The following SLC28A3 variants were observed in gnomAD, a reference collection of about 807,000 sequenced individuals.
The protein encoded by SLC28A3 is solute carrier family 28 member 3.
Under a neutral mutation model 84.2 loss-of-function variants are expected in SLC28A3, and 68 were observed. The ratio of observed to expected loss-of-function variants is 0.81; its 90% CI spans 0.66 to 0.99. The LOEUF is 0.99. SLC28A3 is among the 50% of genes least tolerant of loss of function. The pLI is 0.00. For missense variants in SLC28A3, 712 were observed against 841.5 expected (o/e 0.85, Z 1.90); for synonymous variants, 267 against 303.6 (o/e 0.88, Z 1.25).
intron 5 of SLC28A3, among the ~76,000 whole-genome samples, chr9:84,301,384 G>A (rs1825633731): frequency 7.1e-6 from 1 of 140,722 alleles, no homozygotes; most frequent in Non-Finnish European, 1.5e-5. Context: ...AGAAAAGGCT[G>A]TAAACATTGG....
intron 8 of SLC28A3, 102 bp from the exon 9 acceptor site, chr9:84,294,377 C>A (rs1825341478): frequency 9.3e-7 from 1 of 1,077,510 alleles, no homozygotes; most frequent in Non-Finnish European, 1.4e-6. Flanking sequence ...TCTGAAACAT[C>A]ATAAAAATAT....
At chr9:84,313,165 G>A (rs1392887630) in intron 2 of SLC28A3, among the ~76,000 whole-genome samples, 194 bp downstream of exon 2, 2 of 152,298 alleles carry the variant, frequency 1.3e-5, no homozygotes, top group Non-Finnish European at 2.9e-5. Flanking sequence ...GAGGACAGGT[G>A]GATAAAAACA....
intron 11 of SLC28A3, among the ~76,000 whole-genome samples, chr9:84,289,267 T>C (rs1380765669): frequency 6.6e-6 from 1 of 152,178 alleles, no homozygotes; most frequent in African/African-American, 2.4e-5. Flanking sequence ...TAATTGGCAC[T>C]CCGAGGCCTG....
chr9:84,348,007 G>C, the SLC28A3 span, among the ~76,000 whole-genome samples: 4,030 of 151,378 alleles, frequency 0.027, 140 homozygotes, highest in East Asian at 0.089. Flanking sequence ...ACCAGGAGAA[G>C]GTAAGTAAAG....
rs1017851822 is a variant in SLC28A3 at position 84,276,433 on chromosome 9, A to G, written c.*1785T>C. 3 of 152,020 alleles carry G rather than the reference A, an allele frequency of 2.0e-5. No individual in the cohort carries two copies. Among genetic ancestry groups the G allele is most frequent in the Non-Finnish European group, 4.4e-5 (3 of 68,026 alleles). 9.4% of individuals were successfully genotyped at this position (152,020 alleles called of 1,614,324 possible). On this transcript the variant is annotated 3_prime_UTR_variant, in exon 18 of 18. Transcript: ENST00000376238. ...AAAAAAAGCACCAGCATGCAAAGTA[A>G]ATGTACATGCACTGTCCAGAGTAGG... is the stretch of plus-strand genomic sequence containing the variant.
upstream of SLC28A3, among the ~76,000 whole-genome samples, chr9:84,342,545 T>G (rs1302557722): frequency 1.3e-5 from 2 of 151,746 alleles, no homozygotes; most frequent in African/African-American, 4.9e-5. Flanking sequence ...CCCGAGTAGC[T>G]GGGACTACAG....
intron 2 of SLC28A3, among the ~76,000 whole-genome samples, chr9:84,310,227 G>T (rs771581489): frequency 6.6e-6 from 1 of 152,144 alleles, no homozygotes; most frequent in Non-Finnish European, 1.5e-5. Context: ...TGGGAACTAG[G>T]ATCCTTTTAT....
chr9:84,345,024 C>A (rs1410494908), upstream of SLC28A3, among the ~76,000 whole-genome samples: 4 of 152,170 alleles, frequency 2.6e-5, no homozygotes. Context: ...CAGAGTTCAA[C>A]TCTTTTCATC....
intron 1 of SLC28A3, among the ~76,000 whole-genome samples, chr9:84,334,429 G>T (rs1168796703): frequency 6.6e-6 from 1 of 152,160 alleles, no homozygotes; most frequent in Non-Finnish European, 1.5e-5. Flanking sequence ...AGAAAAGCAA[G>T]GAAGTAATTG....
At chr9:84,351,696 A>C in the SLC28A3 span, among the ~76,000 whole-genome samples, 13 of 151,782 alleles carry the variant, frequency 8.6e-5, no homozygotes, top group Non-Finnish European at 1.5e-4. Context: ...TAAATTAAAA[A>C]AAAAAAGACA....
At chr9:84,351,645 G>C in the SLC28A3 span, among the ~76,000 whole-genome samples, 1 of 149,988 alleles carries the variant, frequency 6.7e-6, no homozygotes. Context: ...GGATGACAGA[G>C]TGAGACTCCA....
the SLC28A3 span, among the ~76,000 whole-genome samples, chr9:84,355,287 A>G: frequency 6.6e-6 from 1 of 152,148 alleles, no homozygotes; most frequent in East Asian, 1.9e-4. Flanking sequence ...CTGAAAAAAG[A>G]AATAGCCAGG....
Position 84,309,651 on chromosome 9 carries a change from C to G in SLC28A3, c.220G>C (p.Asp74His), listed in dbSNP as rs772453182. The G allele has an allele frequency of 4.2e-5, 67 of 1,608,204 alleles. No individual in the cohort carries two copies. The highest frequency in any genetic ancestry group is 1.6e-4 in the Middle Eastern group (1 of 6,066). Residue 74 changes from aspartate (D) to histidine (H), a missense_variant, in exon 3 of 18, where the codon GAT (aspartate) becomes CAT (histidine). Physicochemically the swap from Asp to His is moderately conservative, Grantham distance 81. Transcript: ENST00000376238. ...PRNREHMEDD[D>H]EEMQQKGCLE... is the part of the protein sequence containing the mutation. ...TACCCTTTTTGTTGCATCTCCTCAT[C>G]ATCATCCTCCATGTGTTCTCTGTTT...
rs573217488 is a variant in SLC28A3, at chr9:84,279,607, T to C, written c.1829-222A>G. Among the ~76,000 whole-genome samples, 11 of 152,272 alleles carry C rather than the reference T, an allele frequency of 7.2e-5. No homozygotes were observed. In the East Asian group the frequency reaches 9.7e-4, roughly 13 times the overall value. On this transcript the variant is annotated intron_variant, in intron 16 of 17. Transcript: ENST00000376238. ...CAGGCACGCACCCAGCTAATTTTTG[T>C]ATTTTTAGTAGAGATGCGGTTTCGC...
rs767219354 is a variant in SLC28A3 at position 84,297,202 on chromosome 9, A to C, written c.861+19T>G. On this transcript the variant is annotated intron_variant, in intron 8 of 17. Transcript: ENST00000376238. The stretch of plus-strand genomic sequence containing the variant: ...CGCTGAAATAGCAGCGACTACATAG[A>C]AAAAAGGTTTGACTTTACCTTAAAT... 6.3e-7 allele frequency: 1 copy of C among 1,599,528 alleles called. No homozygotes were observed. Among genetic ancestry groups the C allele is most frequent in the South Asian group, 1.1e-5 (1 of 88,352 alleles).
At chr9:84,340,969 T>TCTTA (rs1233614288), upstream of SLC28A3, among the ~76,000 whole-genome samples, 1 of 149,524 alleles carries the variant, frequency 6.7e-6, no homozygotes, top group Non-Finnish European at 1.5e-5. Context: ...ACTTTCTTTT[T>TCTTA]CTTTCTTTCT....
In SLC28A3 at chr9:84,318,063, T is replaced by C. The variant is rs1458724343; in HGVS notation, c.61-4609A>G. ...TAGGAATGATTGCATTTTCAAAGAC[T>C]GTATTTTAGAAGTCCTTGATCGTTA... On this transcript the variant is annotated intron_variant, in intron 1 of 17. Coordinates refer to ENST00000376238, the MANE Select transcript of SLC28A3 (RefSeq NM_001199633.2). Among the ~76,000 whole-genome samples, 6 of 152,336 alleles carry C rather than the reference T, an allele frequency of 3.9e-5. No individual in the cohort carries two copies. In the East Asian group the frequency reaches 1.2e-3, roughly 29 times the overall value.
chr9:84,364,475 C>T, the SLC28A3 span, among the ~76,000 whole-genome samples: 1 of 152,276 alleles, frequency 6.6e-6, no homozygotes, highest in African/African-American at 2.4e-5. Flanking sequence ...CTCCTGCCTT[C>T]ACCTCCCAAA....
At chr9:84,303,036 G>A (rs1825683493) in intron 4 of SLC28A3, among the ~76,000 whole-genome samples, 1 of 152,134 alleles carries the variant, frequency 6.6e-6, no homozygotes, top group African/African-American at 2.4e-5. Flanking sequence ...TTATATTTGT[G>A]TGTTTTGAGA....
Sources: gnomAD v4.1 joint callset for allele counts (sites outside exome capture counted in the v4.1 genomes callset) on GRCh38, gnomAD v4.1.1 for gene constraint, MANE v1.5 for transcripts, NCBI Gene and HGNC (gene_info 2026-07-23, HGNC 2026-07-21) for gene names.